Variants in ABCB11 observed in about 807,000 individuals in gnomAD.
ABCB11 encodes the protein bile salt export pump.
Under a neutral mutation model 148.0 loss-of-function variants are expected in ABCB11, and 95 were observed. The observed-to-expected ratio is 0.64, with a 90% CI of 0.54 to 0.76. ABCB11 has a LOEUF of 0.76. ABCB11 is among the 30% of genes least tolerant of loss of function. The probability of loss-of-function intolerance (pLI) is 0.00; values close to 1 mark genes in which losing one functional copy is unlikely to be tolerated. For missense variants in ABCB11, 1,523 were observed against 1,617.8 expected (o/e 0.94, Z 1.01); for synonymous variants, 591 against 555.4 (o/e 1.06, Z -0.90).
At chr2:168,947,980 G>A (rs538621867) in intron 19 of ABCB11, among the ~76,000 whole-genome samples, 2 of 151,584 alleles carry the variant, frequency 1.3e-5, no homozygotes, top group East Asian at 2.0e-4. Flanking sequence ...GACCACTAGA[G>A]CTGGAAGATA....
At chr2:168,969,609 C>T (rs1000522507) in intron 15 of ABCB11, 58 bp from the exon 16 acceptor site, 2 of 1,435,066 alleles carry the variant, frequency 1.4e-6, no homozygotes, top group Non-Finnish European at 1.9e-6. Flanking sequence ...TGACACTGAC[C>T]TTTGCATCAT....
intron 1 of ABCB11, among the ~76,000 whole-genome samples, chr2:169,023,785 G>A (rs1474140294): frequency 6.6e-6 from 1 of 152,162 alleles, no homozygotes; most frequent in African/African-American, 2.4e-5. Context: ...ATTAACGATA[G>A]TGGTTACCTC....
intron 1 of ABCB11, among the ~76,000 whole-genome samples, chr2:169,019,822 G>GAC (rs1553473783): frequency 2.0e-5 from 3 of 151,988 alleles, no homozygotes; most frequent in Non-Finnish European, 4.4e-5. Context: ...TCTTCAAAGT[G>GAC]ATGAGAAAAA....
intron 5 of ABCB11, among the ~76,000 whole-genome samples, chr2:169,007,104 AC>A (rs1470636942): frequency 6.6e-6 from 1 of 152,200 alleles, no homozygotes; most frequent in Non-Finnish European, 1.5e-5. Flanking sequence ...TTCAAAACTT[AC>A]TATAAAACTA....
chr2:169,009,568 G>A (rs1405140970), intron 5 of ABCB11, among the ~76,000 whole-genome samples: 3 of 123,464 alleles, frequency 2.4e-5, no homozygotes, highest in African/African-American at 9.0e-5. Context: ...TCACACACTG[G>A]GGCCTGTTGT....
Position 168,935,224 on chromosome 2 carries a change from A to G in ABCB11, c.3016T>C (p.Leu1006=), listed in dbSNP as rs372157024. The change falls in exon 23 of 28, where the codon TTA becomes CTA. Residue 1006 remains leucine (L), a synonymous_variant. Transcript: ENST00000650372. ...NSASYRYGGY[L]ISNEGLHFSY... is the part of the protein sequence containing the mutation. ...AAATGGAGCCCCTCATTGGAGATTA[A>G]GTAACCTCCATATCTGTAGGAAGCA... 7 of 1,613,864 alleles carry G rather than the reference A, an allele frequency of 4.3e-6. No homozygotes were observed. Among genetic ancestry groups the G allele is most frequent in the Middle Eastern group, 1.6e-4 (1 of 6,084 alleles).
chr2:168,968,323 A>G, intron 17 of ABCB11, 104 bp downstream of exon 17: 1 of 1,077,024 alleles, frequency 9.3e-7, no homozygotes, highest in South Asian at 1.4e-5. Flanking sequence ...CAGTCTACTC[A>G]GAGTTTCCTT....
chr2:168,977,076 T>C (rs1693940272), intron 11 of ABCB11, among the ~76,000 whole-genome samples: 1 of 148,072 alleles, frequency 6.8e-6, no homozygotes, highest in South Asian at 2.1e-4. Context: ...ACTGAGATAT[T>C]ATATAATATG....
At chr2:168,969,136 G>A (rs1204412998) in intron 16 of ABCB11, among the ~76,000 whole-genome samples, 1 of 151,588 alleles carries the variant, frequency 6.6e-6, no homozygotes, top group Non-Finnish European at 1.5e-5. Flanking sequence ...AAAAAAGGGG[G>A]GGATGGAATT....
chr2:168,943,675 T>C (rs112296270), intron 21 of ABCB11, among the ~76,000 whole-genome samples: 20 of 152,124 alleles, frequency 1.3e-4, no homozygotes, highest in African/African-American at 4.8e-4. Flanking sequence ...TTTATAGGGA[T>C]TTCCCCCTAA....
chr2:168,998,823 C>T (rs1023656162), intron 5 of ABCB11, among the ~76,000 whole-genome samples: 3 of 152,012 alleles, frequency 2.0e-5, no homozygotes, highest in African/African-American at 2.4e-5. Flanking sequence ...TTCACTCCTG[C>T]GGTGTCTCTG....
intron 16 of ABCB11, among the ~76,000 whole-genome samples, chr2:168,969,128 AAAAGG>A (rs1693450941): frequency 6.7e-6 from 1 of 148,748 alleles, no homozygotes. Flanking sequence ...AAAAAAAAAA[AAAAGG>A]GGGGGATGGA....
At chr2:168,952,691 G>GTTTTTTTTTTTTTTTTTTTTT (rs1207576273) in intron 19 of ABCB11, among the ~76,000 whole-genome samples, 1 of 41,922 alleles carries the variant, frequency 2.4e-5, no homozygotes, top group Non-Finnish European at 6.4e-5. Flanking sequence ...TTTTTTTTTT[G>GTTTTTTTTTTTTTTTTTTTTT]TTTGTTTCTA....
intron 12 of ABCB11, 76 bp downstream of exon 12, chr2:168,976,501 G>A (rs1233476016): frequency 1.2e-6 from 1 of 837,688 alleles, no homozygotes; most frequent in Non-Finnish European, 1.8e-6. Flanking sequence ...TTCAGAAAAT[G>A]AGCAATTTGT....
In ABCB11 at chr2:168,923,388, T is replaced by A; in HGVS notation, c.*234A>T. On this transcript the variant is annotated 3_prime_UTR_variant, in exon 28 of 28. Coordinates refer to ENST00000650372, the MANE Select transcript of ABCB11 (RefSeq NM_003742.4). ...ACTTGACATTGGGTTTTCCCTCATA[T>A]GGACCCTAGTTTCTTTCATTTTCTG... 1 of 580,100 alleles carries A rather than the reference T, an allele frequency of 1.7e-6. No homozygotes were observed. Among genetic ancestry groups the A allele is most frequent in the Non-Finnish European group, 3.0e-6 (1 of 328,458 alleles). 35.9% of individuals were successfully genotyped at this position (580,100 alleles called of 1,614,324 possible). A position where few individuals can be genotyped will look rare whatever the true frequency, so the allele number is the denominator to read the frequency against.
At chr2:169,014,143 A>C (rs1695280905) in intron 4 of ABCB11, among the ~76,000 whole-genome samples, 160 bp downstream of exon 4, 1 of 152,208 alleles carries the variant, frequency 6.6e-6, no homozygotes, top group South Asian at 2.1e-4. Context: ...TATTTCTAAT[A>C]GTTATTCAGC....
intron 25 of ABCB11, among the ~76,000 whole-genome samples, chr2:168,929,809 G>T (rs1002102610): frequency 1.4e-4 from 21 of 152,106 alleles, no homozygotes; most frequent in African/African-American, 4.8e-4. Context: ...ATTGGGAGGA[G>T]GTAGGCAAAA....
At position 168,936,424 on chromosome 2, in the gene ABCB11, A is replaced by AATT; in HGVS notation, c.2619_2620insAAT (p.Gly873_Ser874insAsn). On this transcript the variant is annotated inframe_insertion, in exon 22 of 28. Coordinates refer to ENST00000650372, the MANE Select transcript of ABCB11 (RefSeq NM_003742.4). The stretch of plus-strand genomic sequence containing the variant: ...GAATTGACTATCATCCCGATCTGAG[A>AATT]GCCGGCAGCCTGCAAACCAAAAAGC... 1.9e-6 allele frequency: 3 copies of AATT among 1,613,948 alleles called. No homozygotes were observed. The highest frequency in any genetic ancestry group is 2.5e-6 in the Non-Finnish European group (3 of 1,179,890).
intron 10 of ABCB11, among the ~76,000 whole-genome samples, chr2:168,982,952 T>C (rs1304174025): frequency 2.0e-5 from 3 of 152,178 alleles, no homozygotes; most frequent in African/African-American, 7.2e-5. Flanking sequence ...ACCCATAGTA[T>C]GCCATGTCTG....
Sources: gnomAD v4.1 joint callset for allele counts (sites outside exome capture counted in the v4.1 genomes callset) on GRCh38, gnomAD v4.1.1 for gene constraint, MANE v1.5 for transcripts, NCBI Gene and HGNC (gene_info 2026-07-23, HGNC 2026-07-21) for gene names.